Variants in NRXN3 observed in about 807,000 individuals in gnomAD.
The protein encoded by NRXN3 is neurexin III.
In NRXN3, 32 loss-of-function variants were observed where a neutral mutation model predicts 137.6. The ratio of observed to expected loss-of-function variants is 0.23; its 90% CI spans 0.18 to 0.31. The LOEUF is 0.31. Among genes scored for constraint, NRXN3 ranks in the 10% least tolerant of loss-of-function variants. The probability of loss-of-function intolerance (pLI) is 1.00; values close to 1 mark genes in which losing one functional copy is unlikely to be tolerated. For missense variants in NRXN3, 1,574 were observed against 2,062.5 expected (o/e 0.76, Z 4.59); for synonymous variants, 798 against 784.5 (o/e 1.02, Z -0.29).
intron 15 of NRXN3, among the ~76,000 whole-genome samples, chr14:79,080,536 C>T (rs1347411906): frequency 6.6e-6 from 1 of 152,148 alleles, no homozygotes; most frequent in African/African-American, 2.4e-5. Flanking sequence ...ATACCACTTT[C>T]TCACCTCCTT....
intron 8 of NRXN3, among the ~76,000 whole-genome samples, chr14:78,785,380 A>C (rs1205133059): frequency 2.0e-5 from 3 of 152,266 alleles, no homozygotes; most frequent in Admixed American, 6.5e-5. Flanking sequence ...TCTACTTTCT[A>C]TCTTCTGCTG....
intron 16 of NRXN3, among the ~76,000 whole-genome samples, chr14:79,536,917 C>T (rs2097216816): frequency 6.6e-6 from 1 of 152,240 alleles, no homozygotes; most frequent in African/African-American, 2.4e-5. Context: ...CTCCAATGAA[C>T]ATATGTGTGC....
At chr14:79,452,394 G>A (rs879695131) in intron 15 of NRXN3, among the ~76,000 whole-genome samples, 10 of 152,144 alleles carry the variant, frequency 6.6e-5, no homozygotes, top group Non-Finnish European at 1.3e-4. Flanking sequence ...GGAAGTGACT[G>A]CTGTTTATTT....
chr14:79,157,971 C>T (rs751851690), intron 15 of NRXN3, among the ~76,000 whole-genome samples: 5 of 151,654 alleles, frequency 3.3e-5, no homozygotes, highest in Admixed American at 2.0e-4. Flanking sequence ...GCTATGCAGT[C>T]AGGGATGAGA....
chr14:79,075,126 C>T (rs530480136), intron 15 of NRXN3, among the ~76,000 whole-genome samples: 1 of 152,310 alleles, frequency 6.6e-6, no homozygotes, highest in African/African-American at 2.4e-5. Context: ...TTAAAAATCT[C>T]TTACTTCATT....
chr14:79,388,282 G>C (rs1279782684), intron 15 of NRXN3, among the ~76,000 whole-genome samples: 1 of 151,956 alleles, frequency 6.6e-6, no homozygotes, highest in African/African-American at 2.4e-5. Flanking sequence ...TCAGCCTGCA[G>C]AACCAACTAC....
At chr14:78,379,520 T>C (rs1567418195) in intron 4 of NRXN3, among the ~76,000 whole-genome samples, 1 of 152,226 alleles carries the variant, frequency 6.6e-6, no homozygotes, top group African/African-American at 2.4e-5. Flanking sequence ...CATGTGATTA[T>C]ATCAATTGAT....
chr14:78,481,942 C>G (rs2095480037), intron 4 of NRXN3, among the ~76,000 whole-genome samples: 1 of 152,064 alleles, frequency 6.6e-6, no homozygotes. Context: ...GCCCCAAGAG[C>G]CTGAATCACT....
chr14:79,311,685 G>T (rs534154481), intron 15 of NRXN3, among the ~76,000 whole-genome samples: 4 of 112,198 alleles, frequency 3.6e-5, no homozygotes, highest in South Asian at 3.8e-4. Flanking sequence ...GTCGAGGAAT[G>T]TATCCATTTC....
At chr14:78,287,911 G>A (rs1230092640) in intron 3 of NRXN3, among the ~76,000 whole-genome samples, 2 of 151,958 alleles carry the variant, frequency 1.3e-5, no homozygotes, top group Non-Finnish European at 1.5e-5. Context: ...AAAGAAGGAT[G>A]CCCACACCAC....
intron 10 of NRXN3, among the ~76,000 whole-genome samples, chr14:78,835,319 C>T (rs1490460534): frequency 2.0e-5 from 3 of 152,186 alleles, no homozygotes; most frequent in African/African-American, 7.2e-5. Context: ...GAAACGGATT[C>T]GACCAGCTGC....
chr14:79,469,603 C>T (rs1007684325), intron 16 of NRXN3, among the ~76,000 whole-genome samples: 7 of 152,184 alleles, frequency 4.6e-5, no homozygotes, highest in African/African-American at 1.7e-4. Context: ...CCCTGGGATA[C>T]TGTAGACACT....
chr14:79,238,760 G>C (rs2073841393), intron 15 of NRXN3, among the ~76,000 whole-genome samples: 1 of 152,104 alleles, frequency 6.6e-6, no homozygotes, highest in Non-Finnish European at 1.5e-5. Context: ...TGAGTGAAAA[G>C]TTTATTCATG....
intron 15 of NRXN3, among the ~76,000 whole-genome samples, chr14:79,219,634 T>C (rs1568650936): frequency 1.3e-5 from 2 of 152,200 alleles, no homozygotes; most frequent in African/African-American, 4.8e-5. Context: ...TTAAGATCTC[T>C]ACAAAAGGAT....
intron 9 of NRXN3, 82 bp downstream of exon 9, chr14:78,803,905 CTTTG>C (rs2098847084): frequency 1.8e-5 from 24 of 1,354,436 alleles, no homozygotes; most frequent in Non-Finnish European, 2.2e-5. Flanking sequence ...TGATTGAATT[CTTTG>C]TTTGTTTCTT....
intron 15 of NRXN3, among the ~76,000 whole-genome samples, chr14:79,226,618 T>C (rs2070906400): frequency 6.6e-6 from 1 of 152,166 alleles, no homozygotes; most frequent in South Asian, 2.1e-4. Context: ...CACCTTCTAT[T>C]TTCATGCCCC....
At chr14:79,841,374 T>A (rs1190374138) in intron 20 of NRXN3, among the ~76,000 whole-genome samples, 1 of 152,160 alleles carries the variant, frequency 6.6e-6, no homozygotes, top group Non-Finnish European at 1.5e-5. Context: ...GTCCAGCTGC[T>A]ACCACCCAAC....
In NRXN3 at chr14:78,228,395, A is replaced by C. The variant is rs1330410605; in HGVS notation, c.-703-13996A>C. On this transcript the variant is annotated intron_variant, in intron 1 of 20. Transcript: ENST00000335750. Reference sequence around the variant, plus strand: ...GATCTCGAACTCCTGACCTCAAGTGATCTGCCTGCTTTGGCCTCCCAAAGT... The same window carrying C: ...GATCTCGAACTCCTGACCTCAAGTGCTCTGCCTGCTTTGGCCTCCCAAAGT... Among the ~76,000 whole-genome samples the C allele has an allele frequency of 2.6e-5, 4 of 152,106 alleles. No homozygotes were observed. In the South Asian group the frequency reaches 6.2e-4, roughly 24 times the overall value.
chr14:79,446,729 C>T (rs1386169456), intron 15 of NRXN3, among the ~76,000 whole-genome samples: 1 of 151,872 alleles, frequency 6.6e-6, no homozygotes, highest in Non-Finnish European at 1.5e-5. Context: ...TTAAAGATAA[C>T]TTCTTCATAA....
Sources: gnomAD v4.1 joint callset for allele counts (sites outside exome capture counted in the v4.1 genomes callset) on GRCh38, gnomAD v4.1.1 for gene constraint, MANE v1.5 for transcripts, NCBI Gene and HGNC (gene_info 2026-07-23, HGNC 2026-07-21) for gene names.